Variants in TRIM28 observed in about 807,000 individuals in gnomAD.
TRIM28 encodes tripartite motif containing 28, also known as transcription intermediary factor 1-beta.
Under a neutral mutation model 87.4 loss-of-function variants are expected in TRIM28, and 8 were observed. That is an observed-to-expected ratio of 0.09 (90% CI 0.05 to 0.17). TRIM28 has a LOEUF of 0.17. Ranked by LOEUF, TRIM28 falls within the 10% of genes least tolerant of loss-of-function variation. The pLI is 1.00. For missense variants in TRIM28, 968 were observed against 1,131.8 expected (o/e 0.86, Z 2.08); for synonymous variants, 601 against 454.3 (o/e 1.32, Z -4.11).
Position 58,544,985 on chromosome 19 carries a change from G to T in TRIM28, c.228G>T (p.Arg76Ser). The T allele has an allele frequency of 6.6e-7, 1 of 1,515,882 alleles. No homozygotes were observed. Among genetic ancestry groups the T allele is most frequent in the Non-Finnish European group, 8.8e-7 (1 of 1,140,994 alleles). The allele number at this position is 1,515,882 out of a possible 1,614,324, so 93.9% of individuals were successfully genotyped here. A position where few individuals can be genotyped will look rare whatever the true frequency, so the allele number is the denominator to read the frequency against. ...GVCRERLRPE[R>S]EPRLLPCLHS... ...GCAGAGAGCGCCTGCGACCCGAGAG[G>T]GAGCCCCGCCTGCTGCCCTGTTTGC... The change falls in exon 1 of 17, where the codon AGG (arginine) becomes AGT (serine). Residue 76 changes from arginine to serine, a missense_variant. Around this residue, in one of 11 missense-constraint regions of TRIM28, gnomAD observed 208 missense variants for 170.9 expected, o/e 1.22. Transcript: ENST00000253024.
At position 58,548,277 on chromosome 19, in the gene TRIM28, C is replaced by A; in HGVS notation, c.1102-17C>A. 2 of 1,614,050 alleles carry A rather than the reference C, an allele frequency of 1.2e-6. No homozygotes were observed. Among genetic ancestry groups the A allele is most frequent in the South Asian group, 1.1e-5 (1 of 91,058 alleles). On this transcript the variant is annotated splice_polypyrimidine_tract_variant and intron_variant, in intron 7 of 16. Transcript: ENST00000253024. ...TGTTGGTGTGCTCATTCTTTCCTCC[C>A]TTTCACTCCCAACCAGATCTACTTC... is the stretch of plus-strand genomic sequence containing the variant.
chr19:58,550,325 G>T (rs367570329), intron 16 of TRIM28, 41 bp downstream of exon 16: 12 of 1,613,490 alleles, frequency 7.4e-6, no homozygotes, highest in African/African-American at 1.3e-5. Context: ...AGGGGGAGAT[G>T]TGAAGGAAAG....
At position 58,549,524 on chromosome 19, in the gene TRIM28, G is replaced by C; in HGVS notation, c.1856G>C (p.Gly619Ala). The change falls in exon 13 of 17, where the codon GGA (glycine) becomes GCA (alanine). Residue 619 changes from glycine to alanine, a missense_variant. Coordinates refer to ENST00000253024, the MANE Select transcript of TRIM28 (RefSeq NM_005762.3). The surrounding 1 kb of genome is among the most constrained non-coding windows in gnomAD (Gnocchi z 4.4). ...ACCTCAGCCCCAGGTGGTGGCCCGG[G>C]AACCCTGGATGACAGTGCCACCATT... ...EGTSAPGGGP[G>A]TLDDSATICR... 1 of 1,614,028 alleles carries C rather than the reference G, an allele frequency of 6.2e-7. No homozygotes were observed. The highest frequency in any genetic ancestry group is 8.5e-7 in the Non-Finnish European group (1 of 1,180,004).
Position 58,549,972 on chromosome 19 carries a change from C to G in TRIM28, c.2130C>G (p.Ala710=). The G allele has an allele frequency of 6.2e-7, 1 of 1,613,904 alleles. No homozygotes were observed. Among genetic ancestry groups the G allele is most frequent in the Non-Finnish European group, 8.5e-7 (1 of 1,179,954 alleles). The change falls in exon 15 of 17, where the codon GCC becomes GCG. Residue 710 remains alanine (A), a synonymous_variant. Transcript: ENST00000253024. The surrounding 1 kb of genome is among the most constrained non-coding windows in gnomAD (Gnocchi z 4.4). ...AGAAATGTGAGCGTGTACTGCTGGC[C>G]CTATTCTGTCACGAACCCTGCCGCC... ...NQRKCERVLL[A]LFCHEPCRPL...
chr19:58,549,656 T>C lies in TRIM28; in HGVS notation c.1982+6T>C. The C allele has an allele frequency of 1.9e-6, 3 of 1,607,668 alleles. No individual in the cohort carries two copies. Among genetic ancestry groups the C allele is most frequent in the South Asian group, 2.2e-5 (2 of 90,734 alleles). On this transcript the variant is annotated splice_donor_region_variant and intron_variant, in intron 13 of 16. Coordinates refer to ENST00000253024, the MANE Select transcript of TRIM28 (RefSeq NM_005762.3). The surrounding 1 kb of genome is among the most constrained non-coding windows in gnomAD (Gnocchi z 4.4). Reference sequence around the variant, plus strand: ...GCCCTGCAGGATGTACCAGGGTGAGTGTGAGGCTGGTGGGGGTCAAGTCTG... The same window carrying C: ...GCCCTGCAGGATGTACCAGGGTGAGCGTGAGGCTGGTGGGGGTCAAGTCTG...
In TRIM28 at chr19:58,550,213, C is replaced by T. The variant is rs1362239914; in HGVS notation, c.2260C>T (p.Pro754Ser). The change falls in exon 16 of 17, where the codon CCC (proline) becomes TCC (serine). Residue 754 changes from proline (P) to serine (S), a missense_variant. By Grantham distance (74) the Pro-to-Ser change is moderately conservative. Coordinates refer to ENST00000253024, the MANE Select transcript of TRIM28 (RefSeq NM_005762.3). ...CCGCCTCCAGGAGAAGTTGTCACCT[C>T]CCTACAGCTCCCCACAGGAGTTTGC... ...RARLQEKLSP[P>S]YSSPQEFAQD... 1.2e-5 allele frequency: 19 copies of T among 1,614,110 alleles called. No homozygotes were observed. The highest frequency in any genetic ancestry group is 1.6e-5 in the Non-Finnish European group (19 of 1,180,016).
chr19:58,548,447 C>G (rs138456352), intron 8 of TRIM28, 39 bp downstream of exon 8: 2 of 1,613,938 alleles, frequency 1.2e-6, no homozygotes, highest in Admixed American at 1.7e-5. Context: ...TATTACCCCA[C>G]GTGCTGCACC....
chr19:58,547,921 G>T lies in TRIM28; in HGVS notation c.954+15G>T. The T allele has an allele frequency of 6.2e-7, 1 of 1,613,976 alleles. No individual in the cohort carries two copies. The highest frequency in any genetic ancestry group is 8.5e-7 in the Non-Finnish European group (1 of 1,179,918). The stretch of plus-strand genomic sequence containing the variant: ...ATGATGCCCAGGTAAGCCTTGTGCC[G>T]GTGAGAAGGGTCCCTGAGCCCCCTC... On this transcript the variant is annotated intron_variant, in intron 6 of 16. Transcript: ENST00000253024.
intron 3 of TRIM28, 191 bp from the exon 4 acceptor site, chr19:58,547,185 G>GA: frequency 1.6e-6 from 1 of 638,370 alleles, no homozygotes; most frequent in Non-Finnish European, 2.7e-6. Flanking sequence ...CAGCTATGTT[G>GA]GGGCAGAGGA....
chr19:58,545,243 G>T, intron 1 of TRIM28, 146 bp downstream of exon 1: 2 of 929,936 alleles, frequency 2.2e-6, no homozygotes, highest in Non-Finnish European at 1.6e-6. Flanking sequence ...GCATACGAAC[G>T]TGGGTTTGTG....
intron 3 of TRIM28, among the ~76,000 whole-genome samples, chr19:58,546,808 A>G (rs1375644168): frequency 6.6e-6 from 1 of 152,118 alleles, no homozygotes; most frequent in Non-Finnish European, 1.5e-5. Flanking sequence ...GCTGAGCACC[A>G]AGATTCTGCT....
chr19:58,549,683 G>A lies in TRIM28; in HGVS notation c.1982+33G>A. The A allele has an allele frequency of 6.2e-7, 1 of 1,602,722 alleles. No homozygotes were observed. Among genetic ancestry groups the A allele is most frequent in the Non-Finnish European group, 8.5e-7 (1 of 1,171,784 alleles). On this transcript the variant is annotated intron_variant, in intron 13 of 16. Coordinates refer to ENST00000253024, the MANE Select transcript of TRIM28 (RefSeq NM_005762.3). The surrounding 1 kb of genome is among the most constrained non-coding windows in gnomAD (Gnocchi z 4.4). ...TGAGGCTGGTGGGGGTCAAGTCTGG[G>A]TGTTGGGCTGTCTGGACAGGATCAT...
In TRIM28 at chr19:58,545,227, G is replaced by T. The variant is rs546948472; in HGVS notation, c.340+130G>T. On this transcript the variant is annotated intron_variant, in intron 1 of 16. Coordinates refer to ENST00000253024, the MANE Select transcript of TRIM28 (RefSeq NM_005762.3). ...GACAGGGCACGGGAAATACTTTCTG[G>T]GTCCTGCATACGAACGTGGGTTTGT... 20 of 968,778 alleles carry T rather than the reference G, an allele frequency of 2.1e-5. No individual in the cohort carries two copies. The East Asian group carries it at 4.4e-4, about 21-fold the overall frequency. 60.0% of individuals were successfully genotyped at this position (968,778 alleles called of 1,614,324 possible).
In TRIM28 at chr19:58,544,769, C is replaced by G. The variant is rs1335999248; in HGVS notation, c.12C>G (p.Ser4=). The change falls in exon 1 of 17, where the codon TCC becomes TCG. Residue 4 remains serine (S), a synonymous_variant. Transcript: ENST00000253024. ...CCGGCGGCGTGTGAATGGCGGCCTC[C>G]GCGGCGGCAGCCTCGGCAGCAGCGG... MAA[S]AAAASAAAAS... 1 of 1,141,036 alleles carries G rather than the reference C, an allele frequency of 8.8e-7. No individual in the cohort carries two copies. Among genetic ancestry groups the G allele is most frequent in the African/African-American group, 1.6e-5 (1 of 60,642 alleles). 70.7% of individuals were successfully genotyped at this position (1,141,036 alleles called of 1,614,324 possible).
At position 58,549,348 on chromosome 19, in the gene TRIM28, T is replaced by A; in HGVS notation, c.1680T>A (p.Ala560=). 1 of 1,566,760 alleles carries A rather than the reference T, an allele frequency of 6.4e-7. No homozygotes were observed. Among genetic ancestry groups the A allele is most frequent in the Non-Finnish European group, 8.7e-7 (1 of 1,153,586 alleles). Residue 560 remains alanine (A), a synonymous_variant, in exon 13 of 17, where the codon GCT becomes GCA. Transcript: ENST00000253024. This position sits in a 1 kb window ranked among gnomAD's most constrained non-coding sequence, Gnocchi z 4.4. The stretch of plus-strand genomic sequence containing the variant: ...CCTTGCAGGAGGAGGAGACGGAGGC[T>A]GCCATTGGAGCCCCTCCTACTGCCA... The part of the protein sequence containing the change: ...MAIVKEEETE[A]AIGAPPTATE...
chr19:58,545,385 G>A, intron 1 of TRIM28, 40 bp from the exon 2 acceptor site: 1 of 1,521,886 alleles, frequency 6.6e-7, no homozygotes, highest in Non-Finnish European at 9.1e-7. Context: ...TAACCTGGGT[G>A]GGAACTTGTA....
At position 58,549,298 on chromosome 19, in the gene TRIM28, C is replaced by A; in HGVS notation, c.1663-33C>A. ...ATGAAGCCTGTAGTCCAGGTCTGGA[C>A]CCTGTTGAACACCCCTCATCACCAC... On this transcript the variant is annotated intron_variant, in intron 12 of 16. Transcript: ENST00000253024. This position sits in a 1 kb window ranked among gnomAD's most constrained non-coding sequence, Gnocchi z 4.4. The A allele has an allele frequency of 6.3e-7, 1 of 1,580,012 alleles. No individual in the cohort carries two copies. Among genetic ancestry groups the A allele is most frequent in the South Asian group, 1.2e-5 (1 of 86,354 alleles).
chr19:58,545,695 A>G (rs781606370), intron 2 of TRIM28, 69 bp from the exon 3 acceptor site: 78 of 1,571,290 alleles, frequency 5.0e-5, no homozygotes, highest in Non-Finnish European at 6.7e-5. Flanking sequence ...CTCCGGTTGT[A>G]TTTTCTGGGA....
Position 58,549,669 on chromosome 19 carries a change from G to C in TRIM28, c.1982+19G>C. The C allele has an allele frequency of 6.2e-7, 1 of 1,605,722 alleles. No individual in the cohort carries two copies. The highest frequency in any genetic ancestry group is 8.5e-7 in the Non-Finnish European group (1 of 1,173,736). Reference sequence around the variant, plus strand: ...TACCAGGGTGAGTGTGAGGCTGGTGGGGGTCAAGTCTGGGTGTTGGGCTGT... The same window carrying C: ...TACCAGGGTGAGTGTGAGGCTGGTGCGGGTCAAGTCTGGGTGTTGGGCTGT... On this transcript the variant is annotated intron_variant, in intron 13 of 16. Coordinates refer to ENST00000253024, the MANE Select transcript of TRIM28 (RefSeq NM_005762.3). This position sits in a 1 kb window ranked among gnomAD's most constrained non-coding sequence, Gnocchi z 4.4.
Sources: gnomAD v4.1 joint callset for allele counts (sites outside exome capture counted in the v4.1 genomes callset) on GRCh38, gnomAD v4.1.1 for gene constraint, gnomAD v4.1.1 regional missense constraint, Gnocchi (gnomAD v3.1) non-coding constraint, MANE v1.5 for transcripts, NCBI Gene and HGNC (gene_info 2026-07-23, HGNC 2026-07-21) for gene names.